Variants in ST8SIA6 observed in about 807,000 individuals in gnomAD.
ST8SIA6 encodes the protein alpha-2,8-sialyltransferase 8F.
Under a neutral mutation model 33.6 loss-of-function variants are expected in ST8SIA6, and 39 were observed. The ratio of observed to expected loss-of-function variants is 1.16; its 90% CI spans 0.90 to 1.52. ST8SIA6 has a LOEUF of 1.52. ST8SIA6 is among the 40% of genes most tolerant of loss of function. The pLI is 0.00. For missense variants in ST8SIA6, 441 were observed against 443.8 expected (o/e 0.99, Z 0.06); for synonymous variants, 172 against 167.2 (o/e 1.03, Z -0.22).
At chr10:17,450,096 G>A (rs961706562) in intron 2 of ST8SIA6, among the ~76,000 whole-genome samples, 9 of 152,196 alleles carry the variant, frequency 5.9e-5, no homozygotes, top group African/African-American at 2.2e-4. Flanking sequence ...TGTGGAGCTA[G>A]CTAGCAACAG....
intron 4 of ST8SIA6, among the ~76,000 whole-genome samples, chr10:17,356,601 C>A (rs2131614129): frequency 6.6e-6 from 1 of 151,934 alleles, no homozygotes; most frequent in Admixed American, 6.6e-5. Context: ...TTGGCCAGGC[C>A]AGTTTCGAAC....
rs182580450 is a variant in ST8SIA6, at chr10:17,378,666, G to C, written c.290+11865C>G. ...ACTTCAACATCAAAACCGGCAAGTA[G>C]TGCATCTCCAATGCGTGAACTACTT... On this transcript the variant is annotated intron_variant, in intron 3 of 7. Transcript: ENST00000377602. Among the ~76,000 whole-genome samples the C allele has an allele frequency of 2.8e-3, 432 of 152,276 alleles. 2 individuals carry two copies. Among genetic ancestry groups the C allele is most frequent in the Middle Eastern group, 0.01 (3 of 294 alleles).
chr10:17,327,319 G>T (rs187534503), intron 5 of ST8SIA6, among the ~76,000 whole-genome samples, 193 bp from the exon 6 acceptor site: 305 of 152,278 alleles, frequency 2.0e-3, no homozygotes, highest in African/African-American at 7.1e-3. Context: ...GGGCGCAGTG[G>T]CTCACACCTG....
chr10:17,402,999 A>G (rs1851108099), intron 2 of ST8SIA6, among the ~76,000 whole-genome samples: 1 of 152,206 alleles, frequency 6.6e-6, no homozygotes, highest in Admixed American at 6.5e-5. Context: ...CTGTGGCACA[A>G]AATTTTCCCT....
chr10:17,321,544 CTCTT>C (rs1248780165), intron 7 of ST8SIA6, among the ~76,000 whole-genome samples, 198 bp from the exon 8 acceptor site: 2 of 152,180 alleles, frequency 1.3e-5, no homozygotes, highest in African/African-American at 2.4e-5. Flanking sequence ...ATCTTCATCT[CTCTT>C]TCTTGGAATC....
chr10:17,357,617 T>C (rs1020339), intron 4 of ST8SIA6, among the ~76,000 whole-genome samples: 61,469 of 152,000 alleles, frequency 0.4, 12,846 homozygotes, highest in East Asian at 0.59. Context: ...GATGGGTTCT[T>C]TTCACCTTCT....
intron 2 of ST8SIA6, among the ~76,000 whole-genome samples, chr10:17,433,230 A>G (rs1195978890): frequency 2.0e-5 from 3 of 152,200 alleles, no homozygotes; most frequent in African/African-American, 7.2e-5. Flanking sequence ...CAGGACAATA[A>G]CACATTTTTA....
At chr10:17,327,733 T>C (rs1334951229) in intron 5 of ST8SIA6, among the ~76,000 whole-genome samples, 1 of 152,004 alleles carries the variant, frequency 6.6e-6, no homozygotes, top group Non-Finnish European at 1.5e-5. Flanking sequence ...AAAGCAAGAC[T>C]CTGTCTCTAC....
At chr10:17,338,416 A>G (rs1221190299) in intron 4 of ST8SIA6, among the ~76,000 whole-genome samples, 2 of 152,226 alleles carry the variant, frequency 1.3e-5, no homozygotes, top group African/African-American at 4.8e-5. Context: ...TAAACAACTC[A>G]AACCTTTGTG....
chr10:17,385,758 G>T (rs560191629), intron 3 of ST8SIA6, among the ~76,000 whole-genome samples: 47 of 152,242 alleles, frequency 3.1e-4, no homozygotes, highest in African/African-American at 1.1e-3. Context: ...CCTGACAGAG[G>T]TCTCATACCT....
intron 2 of ST8SIA6, among the ~76,000 whole-genome samples, chr10:17,443,371 C>A (rs1214773652): frequency 6.6e-6 from 1 of 152,202 alleles, no homozygotes; most frequent in East Asian, 1.9e-4. Flanking sequence ...GAGGTTCCAG[C>A]AACCAGTGAG....
Position 17,338,567 on chromosome 10 carries a change from A to G in ST8SIA6, c.378-7015T>C, listed in dbSNP as rs118094894. On this transcript the variant is annotated intron_variant, in intron 4 of 7. Transcript: ENST00000377602. ...TAGTTGTTCCCAAAGTAATGCTGGT[A>G]GCGTCTTGCTAAAAACCTACCTAGA... 5.1e-3 allele frequency among the ~76,000 whole-genome samples: 783 copies of G among 152,324 alleles called. 2 individuals carry two copies. The highest frequency in any genetic ancestry group is 9.0e-3 in the Non-Finnish European group (612 of 68,030).
intron 3 of ST8SIA6, among the ~76,000 whole-genome samples, chr10:17,387,487 G>A (rs1453773594): frequency 6.7e-6 from 1 of 148,828 alleles, no homozygotes; most frequent in Non-Finnish European, 1.5e-5. Flanking sequence ...GGCTGGTCTC[G>A]AACTCCCCAC....
intron 3 of ST8SIA6, among the ~76,000 whole-genome samples, chr10:17,383,403 A>G (rs948153872): frequency 6.6e-6 from 1 of 152,304 alleles, no homozygotes; most frequent in African/African-American, 2.4e-5. Context: ...TTAGGGCTGT[A>G]TTTGTATAAA....
At chr10:17,387,455 G>A (rs962488787) in intron 3 of ST8SIA6, among the ~76,000 whole-genome samples, 14 of 138,700 alleles carry the variant, frequency 1.0e-4, no homozygotes, top group Non-Finnish European at 3.2e-5. Context: ...GGCGGGGGGG[G>A]GGGGGTTCTC....
intron 3 of ST8SIA6, among the ~76,000 whole-genome samples, chr10:17,375,053 T>G (rs191020201): frequency 6.6e-6 from 1 of 151,830 alleles, no homozygotes; most frequent in Non-Finnish European, 1.5e-5. Flanking sequence ...CCTCCAGCCT[T>G]AGCCTCCGAA....
intron 4 of ST8SIA6, among the ~76,000 whole-genome samples, chr10:17,335,782 ATTTTTAGTGGCTC>A (rs1290024705): frequency 1.3e-5 from 2 of 152,168 alleles, no homozygotes; most frequent in Non-Finnish European, 2.9e-5. Context: ...TGCGTATATA[ATTTTTAGTGGCTC>A]TTTTATCCAG....
rs759653728 is a variant in ST8SIA6, at chr10:17,323,075, T to A, written c.718A>T (p.Ile240Leu). 6.2e-7 allele frequency: 1 copy of A among 1,612,850 alleles called. No individual in the cohort carries two copies. The highest frequency in any genetic ancestry group is 1.1e-5 in the South Asian group (1 of 90,920). The change falls in exon 7 of 8, where the codon ATA becomes TTA. Residue 240 changes from isoleucine to leucine, a missense_variant. By Grantham distance (5) the Ile-to-Leu change is conservative. Transcript: ENST00000377602. ...TNLVTINPSI[I>L]TLKYGNLKEK... The stretch of plus-strand genomic sequence containing the variant: ...CTTGCAGCTACTTACTTCAGAGTTA[T>A]GATGCTTGGATTTATAGTCACAAGA...
At chr10:17,353,826 G>A (rs1182675161) in intron 4 of ST8SIA6, among the ~76,000 whole-genome samples, 2 of 152,122 alleles carry the variant, frequency 1.3e-5, no homozygotes, top group South Asian at 4.1e-4. Flanking sequence ...AGTCATCTTG[G>A]ATTCCAGCTC....
Sources: allele counts gnomAD v4.1 joint callset (sites outside exome capture counted in the v4.1 genomes callset), GRCh38; gene constraint gnomAD v4.1.1; transcripts MANE v1.5; gene names NCBI Gene and HGNC (gene_info 2026-07-23, HGNC 2026-07-21).